PAXIP1: variants seen among roughly 807,000 people sequenced by gnomAD.
PAXIP1 encodes PAX-interacting protein 1.
A neutral mutation model predicts 140.6 loss-of-function variants in PAXIP1; 19 were observed. The observed-to-expected ratio is 0.14, with a 90% CI of 0.09 to 0.20. The LOEUF is 0.20. PAXIP1 is among the 10% of genes least tolerant of loss of function. The pLI is 1.00. For synonymous variants in PAXIP1, 442 were observed against 444.6 expected, an observed-to-expected ratio of 0.99 and a Z score of 0.07; for missense variants, 920 against 1,208.6, an observed-to-expected ratio of 0.76 and a Z score of 3.54.
chr7:154,983,458 G>A (rs1809933509), intron 4 of PAXIP1, 126 bp from the exon 5 acceptor site: 1 of 598,904 alleles, frequency 1.7e-6, no homozygotes, highest in South Asian at 2.2e-5. Context: ...AAGAATATTT[G>A]TAGAAAAAAT....
Position 154,968,493 on chromosome 7 carries a change from G to T in PAXIP1, c.1708C>A (p.Pro570Thr). 1 of 1,043,558 alleles carries T rather than the reference G, an allele frequency of 9.6e-7. No homozygotes were observed. The highest frequency in any genetic ancestry group is 1.5e-6 in the Non-Finnish European group (1 of 682,874). 64.6% of individuals were successfully genotyped at this position (1,043,558 alleles called of 1,614,324 possible). A position where few individuals can be genotyped will look rare whatever the true frequency, so the allele number is the denominator to read the frequency against. Residue 570 changes from proline to threonine, a missense_variant, in exon 7 of 21, where the codon CCT becomes ACT. This residue lies in a region of PAXIP1 where 133 missense variants were observed against 88.4 expected (regional missense o/e 1.50). Transcript: ENST00000404141. Reference sequence around the variant, plus strand: ...TGCTGCTGCTGCGGGGGCTGCTGAGGTGGAACCTGATGCTGCAGCGCCTGT... The same window carrying T: ...TGCTGCTGCTGCGGGGGCTGCTGAGTTGGAACCTGATGCTGCAGCGCCTGT... Reference protein sequence around the residue: ...TSQALQHQVPPQQPPQQQQQQ... With the variant: ...TSQALQHQVPTQQPPQQQQQQ...
At chr7:154,984,896 A>C (rs1810000859) in intron 4 of PAXIP1, among the ~76,000 whole-genome samples, 1 of 152,078 alleles carries the variant, frequency 6.6e-6, no homozygotes, top group Admixed American at 6.5e-5. Flanking sequence ...CCTATACCCT[A>C]TTTGGCCTGT....
At chr7:154,960,760 A>C in intron 12 of PAXIP1, 133 bp downstream of exon 12, 1 of 642,094 alleles carries the variant, frequency 1.6e-6, no homozygotes, top group Non-Finnish European at 2.6e-6. Flanking sequence ...TATAGAAAAG[A>C]AATTGGAAAT....
At chr7:154,979,401 T>C (rs3851537) in intron 5 of PAXIP1, among the ~76,000 whole-genome samples, 35,059 of 152,156 alleles carry the variant, frequency 0.23, 4,694 homozygotes, top group Admixed American at 0.33. Flanking sequence ...TAAAAAGAAA[T>C]GTTATTTTTG....
intron 4 of PAXIP1, among the ~76,000 whole-genome samples, chr7:154,985,408 ACCT>A: frequency 1.3e-5 from 2 of 151,070 alleles, no homozygotes; most frequent in Non-Finnish European, 3.0e-5. Flanking sequence ...GCTCCTAACC[ACCT>A]CCTCCTGCCC....
chr7:154,959,425 A>C (rs573711672), intron 13 of PAXIP1, among the ~76,000 whole-genome samples: 1 of 152,340 alleles, frequency 6.6e-6, no homozygotes, highest in African/African-American at 2.4e-5. Flanking sequence ...TCCTGTCTGT[A>C]ACTTAGTAAA....
chr7:154,947,872 T>C, intron 17 of PAXIP1, 31 bp downstream of exon 17: 1 of 1,460,766 alleles, frequency 6.8e-7, no homozygotes, highest in South Asian at 1.1e-5. Context: ...TATGCTTACT[T>C]GGACTGATTT....
In PAXIP1 at chr7:154,956,915, T is replaced by C. The variant is rs907761709; in HGVS notation, c.2549+309A>G. ...GCCCAGGAGGCCTGGGGCTCCGTGGTCTATCTCTGAGCTGGGTTCTAGACC... is the reference window on the plus strand; with the variant it reads ...GCCCAGGAGGCCTGGGGCTCCGTGGCCTATCTCTGAGCTGGGTTCTAGACC... On this transcript the variant is annotated intron_variant, in intron 14 of 20. Coordinates refer to ENST00000404141, the MANE Select transcript of PAXIP1 (RefSeq NM_007349.4). This position sits in a 1 kb window ranked among gnomAD's most constrained non-coding sequence, Gnocchi z 4.2. 4.0e-4 allele frequency: 89 copies of C among 221,532 alleles called. No individual in the cohort carries two copies. The highest frequency in any genetic ancestry group is 2.0e-3 in the African/African-American group (87 of 43,466). The allele number at this position is 221,532 out of a possible 1,614,324, so 13.7% of individuals were successfully genotyped here. A position where few individuals can be genotyped will look rare whatever the true frequency, so the allele number is the denominator to read the frequency against.
intron 4 of PAXIP1, among the ~76,000 whole-genome samples, chr7:154,989,437 T>C (rs1182470818): frequency 6.6e-6 from 1 of 152,202 alleles, no homozygotes; most frequent in Non-Finnish European, 1.5e-5. Context: ...CAGAAAAAGA[T>C]GACTAAATAC....
chr7:154,969,413 TGTGTTTGCCAGA>T (rs1436288294), intron 6 of PAXIP1, among the ~76,000 whole-genome samples: 1 of 152,246 alleles, frequency 6.6e-6, no homozygotes, highest in Non-Finnish European at 1.5e-5. Context: ...AGACGGCTGA[TGTGTTTGCCAGA>T]GCAGGGCATG....
At chr7:154,997,316 G>A (rs1810680122) in intron 2 of PAXIP1, among the ~76,000 whole-genome samples, 1 of 152,114 alleles carries the variant, frequency 6.6e-6, no homozygotes, top group African/African-American at 2.4e-5. Flanking sequence ...TCACAGGTGT[G>A]ATCACAGTGC....
chr7:154,989,662 T>C (rs1810233892), intron 4 of PAXIP1, among the ~76,000 whole-genome samples: 1 of 152,224 alleles, frequency 6.6e-6, no homozygotes, highest in Non-Finnish European at 1.5e-5. Context: ...TTTTCTTAGC[T>C]GGGGGTTAGA....
chr7:154,994,839 A>C (rs1003224615), intron 2 of PAXIP1, among the ~76,000 whole-genome samples: 3 of 152,226 alleles, frequency 2.0e-5, no homozygotes, highest in African/African-American at 7.2e-5. Flanking sequence ...AAAGGTTTTA[A>C]CTAAGTTACT....
intron 4 of PAXIP1, among the ~76,000 whole-genome samples, chr7:154,989,761 A>G (rs919139882): frequency 1.3e-5 from 2 of 152,234 alleles, no homozygotes; most frequent in African/African-American, 4.8e-5. Flanking sequence ...CAGATATTTT[A>G]TCTGGCTGGT....
At chr7:154,992,191 C>T (rs972870066) in intron 3 of PAXIP1, among the ~76,000 whole-genome samples, 2 of 152,088 alleles carry the variant, frequency 1.3e-5, no homozygotes, top group African/African-American at 2.4e-5. Flanking sequence ...TTGCTTTTGT[C>T]GCCCAGGCTG....
rs11344042 is a variant in PAXIP1, at chr7:154,944,982, C to CT, written c.3195-819dup. ...TCTGGGACTGAGGCAAATTTTACTTCTTTTTTTTTTTTTTTTTTTTTAAAG... is the reference window on the plus strand; with the variant it reads ...TCTGGGACTGAGGCAAATTTTACTTCTTTTTTTTTTTTTTTTTTTTTTAAAG... On this transcript the variant is annotated intron_variant, in intron 20 of 20. Transcript: ENST00000404141. 2.1e-3 allele frequency: 268 copies of CT among 128,920 alleles called. 1 individual carries two copies. Among genetic ancestry groups the CT allele is most frequent in the South Asian group, 2.7e-3 (11 of 4,032 alleles). 8.0% of individuals were successfully genotyped at this position (128,920 alleles called of 1,614,324 possible). A position where few individuals can be genotyped will look rare whatever the true frequency, so the allele number is the denominator to read the frequency against.
chr7:154,984,083 C>A (rs1809960583), intron 4 of PAXIP1, among the ~76,000 whole-genome samples: 1 of 152,142 alleles, frequency 6.6e-6, no homozygotes, highest in Non-Finnish European at 1.5e-5. Flanking sequence ...ATCATCCACC[C>A]CATTTTAAAC....
intron 2 of PAXIP1, 147 bp downstream of exon 2, chr7:154,998,503 A>G: frequency 2.3e-6 from 1 of 441,264 alleles, no homozygotes; most frequent in Non-Finnish European, 3.7e-6. Flanking sequence ...GCGAGATTCC[A>G]GCTCAAAAAA....
chr7:154,960,129 G>A (rs772345754), intron 12 of PAXIP1, among the ~76,000 whole-genome samples, 196 bp from the exon 13 acceptor site: 1 of 152,160 alleles, frequency 6.6e-6, no homozygotes, highest in Admixed American at 6.5e-5. Context: ...TGCTGCTTTC[G>A]TTTCACATGC....
Sources: allele counts gnomAD v4.1 joint callset (sites outside exome capture counted in the v4.1 genomes callset), GRCh38; gene constraint gnomAD v4.1.1; regional missense constraint gnomAD v4.1.1; non-coding constraint Gnocchi (gnomAD v3.1); transcripts MANE v1.5; gene names NCBI Gene and HGNC (gene_info 2026-07-23, HGNC 2026-07-21).